Variants in MARCHF8 observed in about 807,000 individuals in gnomAD.
The protein encoded by MARCHF8 is E3 ubiquitin-protein ligase MARCHF8.
In MARCHF8, 40 loss-of-function variants were observed where a neutral mutation model predicts 51.6. The observed-to-expected ratio is 0.77, with a 90% CI of 0.60 to 1.01. The LOEUF is 1.01. Ranked by LOEUF, MARCHF8 falls within the 50% of genes least tolerant of loss-of-function variation. The pLI is 0.00. For missense variants in MARCHF8, 685 were observed against 708.6 expected (o/e 0.97, Z 0.38); for synonymous variants, 263 against 280.3 (o/e 0.94, Z 0.62).
upstream of MARCHF8, among the ~76,000 whole-genome samples, chr10:45,536,608 A>G (rs1349806820): frequency 6.6e-6 from 1 of 151,880 alleles, no homozygotes; most frequent in African/African-American, 2.4e-5. Flanking sequence ...AAAAAAGTCT[A>G]AAGACAACTG....
intron 1 of MARCHF8, among the ~76,000 whole-genome samples, chr10:45,561,080 A>C (rs2044305264): frequency 6.6e-6 from 1 of 152,122 alleles, no homozygotes; most frequent in Non-Finnish European, 1.5e-5. Context: ...ATGGCAGGGC[A>C]CCTGTCTAGT....
chr10:45,470,400 C>T (rs1452861204), intron 3 of MARCHF8, among the ~76,000 whole-genome samples: 1 of 152,218 alleles, frequency 6.6e-6, no homozygotes, highest in Non-Finnish European at 1.5e-5. Context: ...TTCCCATCTT[C>T]AAAGCCCACT....
intron 2 of MARCHF8, among the ~76,000 whole-genome samples, chr10:45,518,233 C>G (rs1315901017): frequency 6.6e-6 from 1 of 152,124 alleles, no homozygotes; most frequent in Non-Finnish European, 1.5e-5. Flanking sequence ...CAAGTCCTTC[C>G]AACCTTCAGA....
chr10:45,490,608 T>A (rs1435129005), intron 2 of MARCHF8, among the ~76,000 whole-genome samples: 1 of 152,014 alleles, frequency 6.6e-6, no homozygotes, highest in Non-Finnish European at 1.5e-5. Flanking sequence ...TCATCTTCCA[T>A]CCTATGACTT....
At chr10:45,489,313 A>G in intron 3 of MARCHF8, 54 bp downstream of exon 3, 4 of 1,361,978 alleles carry the variant, frequency 2.9e-6, no homozygotes, top group Middle Eastern at 1.8e-4. Flanking sequence ...CATGTAAGGC[A>G]TAAGAACAGA....
At chr10:45,504,309 T>A (rs2043338816) in intron 2 of MARCHF8, among the ~76,000 whole-genome samples, 1 of 152,128 alleles carries the variant, frequency 6.6e-6, no homozygotes, top group South Asian at 2.1e-4. Context: ...GTGGGCAAGG[T>A]GGCACATGCC....
intron 1 of MARCHF8, among the ~76,000 whole-genome samples, chr10:45,541,988 A>G (rs1332043104): frequency 6.6e-6 from 1 of 152,164 alleles, no homozygotes; most frequent in East Asian, 1.9e-4. Context: ...TCAGAAAACT[A>G]CCAAAATTAA....
At chr10:45,543,696 G>A (rs994683480) in intron 1 of MARCHF8, among the ~76,000 whole-genome samples, 5 of 151,596 alleles carry the variant, frequency 3.3e-5, no homozygotes, top group Non-Finnish European at 5.9e-5. Flanking sequence ...TACTCAGGAG[G>A]CTGAGGCCGG....
intron 1 of MARCHF8, among the ~76,000 whole-genome samples, chr10:45,567,085 T>G (rs1276903851): frequency 6.6e-6 from 1 of 152,242 alleles, no homozygotes; most frequent in Admixed American, 6.5e-5. Flanking sequence ...CTTTTGAGAA[T>G]GTCTACTAGA....
chr10:45,532,280 G>A (rs1366123431), intron 2 of MARCHF8, among the ~76,000 whole-genome samples: 5 of 152,224 alleles, frequency 3.3e-5, no homozygotes, highest in African/African-American at 1.2e-4. Context: ...AACCTGCAGT[G>A]AGGGTGTATA....
chr10:45,594,452 C>T (rs2044714696), exon 1 of MARCHF8: 1 of 152,278 alleles, frequency 6.6e-6, no homozygotes, highest in Admixed American at 6.5e-5. Flanking sequence ...GGGCGCTGAC[C>T]GTTTCTGCGA....
chr10:45,476,959 T>G (rs2133020044), intron 3 of MARCHF8, among the ~76,000 whole-genome samples: 1 of 152,154 alleles, frequency 6.6e-6, no homozygotes, highest in East Asian at 1.9e-4. Context: ...AGCTGCAAAC[T>G]TCCCAAGTCT....
chr10:45,477,235 C>T (rs960004524), intron 3 of MARCHF8, among the ~76,000 whole-genome samples: 2 of 152,048 alleles, frequency 1.3e-5, no homozygotes, highest in African/African-American at 4.8e-5. Flanking sequence ...ATACTATATC[C>T]ATCCAAGTTA....
upstream of MARCHF8, among the ~76,000 whole-genome samples, chr10:45,538,496 G>A (rs201533797): frequency 6.6e-6 from 1 of 152,158 alleles, no homozygotes; most frequent in Admixed American, 6.5e-5. Context: ...TGGACTAAAT[G>A]CTCCAATTAA....
upstream of MARCHF8, among the ~76,000 whole-genome samples, chr10:45,537,575 C>A (rs911219027): frequency 2.6e-5 from 4 of 151,732 alleles, no homozygotes; most frequent in African/African-American, 9.7e-5. Flanking sequence ...ATCGCTTGAG[C>A]CCAGAAGGTT....
At chr10:45,493,502 A>G (rs971483179) in intron 2 of MARCHF8, among the ~76,000 whole-genome samples, 2 of 152,134 alleles carry the variant, frequency 1.3e-5, no homozygotes, top group African/African-American at 4.8e-5. Context: ...TTTCATCTAC[A>G]TTCAACATGA....
chr10:45,540,031 G>A (rs1013780487), upstream of MARCHF8, among the ~76,000 whole-genome samples: 2 of 152,128 alleles, frequency 1.3e-5, no homozygotes, highest in Non-Finnish European at 2.9e-5. Context: ...ACAAACCACT[G>A]CTCAATGAAA....
intron 2 of MARCHF8, among the ~76,000 whole-genome samples, chr10:45,502,379 G>GA (rs1205913082): frequency 6.6e-6 from 1 of 152,124 alleles, no homozygotes; most frequent in African/African-American, 2.4e-5. Flanking sequence ...CAGTAAACGA[G>GA]AAAGTACGGT....
At chr10:45,478,583 T>C (rs1054450990) in intron 3 of MARCHF8, among the ~76,000 whole-genome samples, 15 of 135,600 alleles carry the variant, frequency 1.1e-4, no homozygotes, top group African/African-American at 4.1e-4. Context: ...AAAAAAAAGA[T>C]CAATGAAACA....
Sources: gnomAD v4.1 joint callset for allele counts (sites outside exome capture counted in the v4.1 genomes callset) on GRCh38, gnomAD v4.1.1 for gene constraint, MANE v1.5 for transcripts, NCBI Gene and HGNC (gene_info 2026-07-23, HGNC 2026-07-21) for gene names.